The following CADM2 variants were observed in gnomAD, a reference collection of about 807,000 sequenced individuals.
CADM2 encodes cell adhesion molecule 2, also known as immunoglobulin superfamily member 4D.
Under a neutral mutation model 49.8 loss-of-function variants are expected in CADM2, and 12 were observed. That is an observed-to-expected ratio of 0.24 (90% CI 0.15 to 0.39). The LOEUF (loss-of-function observed/expected upper bound fraction) is 0.39. CADM2 is among the 10% of genes least tolerant of loss of function. The pLI is 1.00. For missense variants in CADM2, 378 were observed against 492.3 expected (o/e 0.77, Z 2.20); for synonymous variants, 214 against 175.4 (o/e 1.22, Z -1.74).
At chr3:85,652,106 T>G (rs1448471667) in intron 1 of CADM2, among the ~76,000 whole-genome samples, 1 of 151,512 alleles carries the variant, frequency 6.6e-6, no homozygotes, top group African/African-American at 2.4e-5. Flanking sequence ...CGTGAGCCAC[T>G]GCACCTGGCC....
At chr3:85,998,106 C>T (rs1398794949) in intron 8 of CADM2, among the ~76,000 whole-genome samples, 2 of 152,030 alleles carry the variant, frequency 1.3e-5, no homozygotes, top group African/African-American at 4.8e-5. Context: ...AGAGTAATCC[C>T]ACCAGACATA....
chr3:85,213,073 G>T (rs74462524), intron 1 of CADM2, among the ~76,000 whole-genome samples: 14,444 of 151,706 alleles, frequency 0.095, 857 homozygotes, highest in African/African-American at 0.16. Context: ...AGTAGAGACG[G>T]GGTTTCACCA....
intron 1 of CADM2, among the ~76,000 whole-genome samples, chr3:85,465,222 A>T (rs1311122322): frequency 2.0e-5 from 3 of 152,186 alleles, no homozygotes; most frequent in Non-Finnish European, 4.4e-5. Context: ...GCGTATAATC[A>T]TAAGGCAATA....
intron 1 of CADM2, among the ~76,000 whole-genome samples, chr3:85,324,529 G>T (rs1021019355): frequency 3.3e-5 from 5 of 152,002 alleles, no homozygotes; most frequent in African/African-American, 1.2e-4. Context: ...GTGAATTAAA[G>T]GTGAGTAAAA....
chr3:85,601,045 C>T (rs963725922), intron 1 of CADM2, among the ~76,000 whole-genome samples: 1 of 148,028 alleles, frequency 6.8e-6, no homozygotes, highest in Non-Finnish European at 1.5e-5. Context: ...TATTCATATA[C>T]ATACCTATAT....
At chr3:85,402,518 G>A (rs542706932) in intron 1 of CADM2, among the ~76,000 whole-genome samples, 10 of 146,792 alleles carry the variant, frequency 6.8e-5, no homozygotes, top group South Asian at 6.5e-4. Context: ...TGTGTAGGTC[G>A]CAAAAGAATA....
At chr3:85,427,006 A>G (rs1179633989) in intron 1 of CADM2, among the ~76,000 whole-genome samples, 1 of 151,752 alleles carries the variant, frequency 6.6e-6, no homozygotes, top group Non-Finnish European at 1.5e-5. Context: ...CCTATTTATC[A>G]AATTATTTCT....
chr3:85,227,474 T>C (rs1411334889), intron 1 of CADM2, among the ~76,000 whole-genome samples: 1 of 148,156 alleles, frequency 6.7e-6, no homozygotes, highest in East Asian at 2.0e-4. Context: ...TTTTTTTTGA[T>C]CTTCATTTGC....
intron 3 of CADM2, among the ~76,000 whole-genome samples, chr3:85,873,120 C>A (rs925209628): frequency 4.6e-5 from 7 of 152,120 alleles, no homozygotes; most frequent in Non-Finnish European, 7.4e-5. Flanking sequence ...CATTAAAATG[C>A]TCCATAAGGA....
chr3:86,016,257 C>G (rs1034763654), intron 8 of CADM2, among the ~76,000 whole-genome samples: 14 of 151,894 alleles, frequency 9.2e-5, no homozygotes, highest in African/African-American at 3.4e-4. Flanking sequence ...TGTTATATAG[C>G]TACTACTTGG....
intron 1 of CADM2, among the ~76,000 whole-genome samples, chr3:85,013,764 A>G (rs1248582959): frequency 6.7e-6 from 1 of 148,658 alleles, no homozygotes; most frequent in African/African-American, 2.5e-5. Flanking sequence ...CGGTCCAAAA[A>G]TAAGTATATA....
rs73843296 is a variant in CADM2, at chr3:85,114,561, A to G, written c.61+154893A>G. On this transcript the variant is annotated intron_variant, in intron 1 of 9. Coordinates refer to ENST00000383699, the MANE Select transcript of CADM2 (RefSeq NM_001167675.2). ...CTGTAGTTCTGAAAGTAACCTGTCT[A>G]CAGTATGATATATTGGCTATTTCAT... Among the ~76,000 whole-genome samples, 467 of 152,318 alleles carry G rather than the reference A, an allele frequency of 3.1e-3. 1 individual carries two copies. Among genetic ancestry groups the G allele is most frequent in the African/African-American group, 9.9e-3 (411 of 41,576 alleles).
intron 1 of CADM2, among the ~76,000 whole-genome samples, chr3:85,498,588 C>T (rs1276911956): frequency 6.6e-6 from 1 of 152,080 alleles, no homozygotes; most frequent in African/African-American, 2.4e-5. Context: ...GATCATGTTA[C>T]TCAAAGTCAG....
chr3:85,536,906 TGGCACATCA>T (rs1213888638), intron 1 of CADM2, among the ~76,000 whole-genome samples: 6 of 151,982 alleles, frequency 3.9e-5, no homozygotes, highest in Admixed American at 6.6e-5. Context: ...AATTTACATA[TGGCACATCA>T]GGATGATTAA....
chr3:86,031,003 G>A (rs1353563370), intron 8 of CADM2, among the ~76,000 whole-genome samples: 1 of 151,824 alleles, frequency 6.6e-6, no homozygotes, highest in South Asian at 2.1e-4. Flanking sequence ...AGGTAGATTT[G>A]GACGTTCTTT....
chr3:85,761,658 A>C (rs983000482), intron 2 of CADM2, among the ~76,000 whole-genome samples: 4 of 152,088 alleles, frequency 2.6e-5, no homozygotes, highest in Non-Finnish European at 4.4e-5. Flanking sequence ...TACAGGCGTG[A>C]GCCACCACGC....
At chr3:85,996,530 C>T (rs1256582590) in intron 8 of CADM2, among the ~76,000 whole-genome samples, 1 of 151,930 alleles carries the variant, frequency 6.6e-6, no homozygotes, top group Non-Finnish European at 1.5e-5. Flanking sequence ...CATAGTACAA[C>T]AGTTAATTTA....
In CADM2 at chr3:85,502,893, T is replaced by C. The variant is rs141815104; in HGVS notation, c.62-223629T>C. 7.8e-3 allele frequency among the ~76,000 whole-genome samples: 1,188 copies of C among 152,236 alleles called. 12 individuals carry two copies. Among genetic ancestry groups the C allele is most frequent in the African/African-American group, 0.027 (1,121 of 41,550 alleles). ...AAGTATTTCTTCTATTCCCTCATGATATAACCTTTTTTTGAGGATTTAAGT... is the reference window on the plus strand; with the variant it reads ...AAGTATTTCTTCTATTCCCTCATGACATAACCTTTTTTTGAGGATTTAAGT... On this transcript the variant is annotated intron_variant, in intron 1 of 9. Coordinates refer to ENST00000383699, the MANE Select transcript of CADM2 (RefSeq NM_001167675.2).
At chr3:85,353,745 A>AT (rs148735407) in intron 1 of CADM2, among the ~76,000 whole-genome samples, 6,020 of 151,836 alleles carry the variant, frequency 0.04, 412 homozygotes, top group African/African-American at 0.14. Context: ...TCCACTCAAT[A>AT]TTTTTTTGAA....
Sources: gnomAD v4.1 joint callset for allele counts (sites outside exome capture counted in the v4.1 genomes callset) on GRCh38, gnomAD v4.1.1 for gene constraint, MANE v1.5 for transcripts, NCBI Gene and HGNC (gene_info 2026-07-23, HGNC 2026-07-21) for gene names.